SUPT3H: variants seen among roughly 807,000 people sequenced by gnomAD.
The protein encoded by SUPT3H is transcription initiation protein SPT3 homolog.
A neutral mutation model predicts 44.3 loss-of-function variants in SUPT3H; 44 were observed. The ratio of observed to expected loss-of-function variants is 0.99; its 90% CI spans 0.78 to 1.28. SUPT3H has a LOEUF of 1.28. Ranked by LOEUF, SUPT3H falls within the 50% of genes most tolerant of loss-of-function variation. The pLI is 0.00. For synonymous variants in SUPT3H, 124 were observed against 125.6 expected (o/e 0.99, Z 0.09); for missense variants, 380 against 387.1 (o/e 0.98, Z 0.15).
chr6:45,328,663 TAAG>T, intron 2 of SUPT3H: 1 of 1,611,392 alleles, frequency 6.2e-7, no homozygotes, highest in Non-Finnish European at 8.5e-7. Flanking sequence ...ATTTTCAGTT[TAAG>T]GCTGCAAGCA....
chr6:45,068,105 C>T (rs1393186687), intron 3 of SUPT3H, among the ~76,000 whole-genome samples: 1 of 148,500 alleles, frequency 6.7e-6, no homozygotes, highest in East Asian at 2.0e-4. Context: ...AAATGTGGCA[C>T]ATATATACCA....
chr6:45,218,844 G>A (rs1765522923), intron 2 of SUPT3H, among the ~76,000 whole-genome samples: 1 of 152,110 alleles, frequency 6.6e-6, no homozygotes, highest in Non-Finnish European at 1.5e-5. Flanking sequence ...AGTACCCATT[G>A]AATATTCACT....
At chr6:44,957,485 A>C (rs148249920) in intron 7 of SUPT3H, among the ~76,000 whole-genome samples, 1 of 152,290 alleles carries the variant, frequency 6.6e-6, no homozygotes, top group East Asian at 1.9e-4. Context: ...ACAGGCAGCA[A>C]TTTGGCAAGA....
At chr6:45,072,601 T>C (rs934900710) in intron 3 of SUPT3H, among the ~76,000 whole-genome samples, 2 of 152,122 alleles carry the variant, frequency 1.3e-5, no homozygotes, top group African/African-American at 4.8e-5. Flanking sequence ...AGGCATAGAT[T>C]ATCATTATAG....
rs7763611 is a variant in SUPT3H, at chr6:45,268,857, G to T, written c.101+96344C>A. ...CTTCATCCTAGTCAAAATTATTAAA[G>T]ATTTAATGAATATATTGGTTAAAAT... On this transcript the variant is annotated intron_variant, in intron 2 of 10. Coordinates refer to ENST00000371459, the MANE Select transcript of SUPT3H (RefSeq NM_003599.4). 7.9e-4 allele frequency among the ~76,000 whole-genome samples: 121 copies of T among 152,248 alleles called. 1 individual carries two copies. The highest frequency in any genetic ancestry group is 2.9e-3 in the African/African-American group (120 of 41,542).
At chr6:45,366,740 G>C (rs1795204818) in intron 1 of SUPT3H, among the ~76,000 whole-genome samples, 1 of 151,964 alleles carries the variant, frequency 6.6e-6, no homozygotes, top group Non-Finnish European at 1.5e-5. Context: ...TAGTCACTTG[G>C]GCTCAAAGTC....
At chr6:44,991,419 T>C (rs552369139) in intron 6 of SUPT3H, among the ~76,000 whole-genome samples, 3 of 152,228 alleles carry the variant, frequency 2.0e-5, no homozygotes, top group East Asian at 1.9e-4. Flanking sequence ...ATCTGCCTTT[T>C]TGACTGATGC....
chr6:45,036,683 T>C lies in SUPT3H; in HGVS notation c.187-16051A>G, dbSNP rs561799401. ...AAAGTTTTCACACACAGCCAAACTGTCAACAACCTGTGAAGGTAGATTAAG... is the reference window on the plus strand; with the variant it reads ...AAAGTTTTCACACACAGCCAAACTGCCAACAACCTGTGAAGGTAGATTAAG... On this transcript the variant is annotated intron_variant, in intron 3 of 10. Transcript: ENST00000371459. Among the ~76,000 whole-genome samples, 29 of 152,264 alleles carry C rather than the reference T, an allele frequency of 1.9e-4. No individual in the cohort carries two copies. In the South Asian group the frequency reaches 5.0e-3, roughly 26 times the overall value.
chr6:44,977,540 C>T (rs1470370155), intron 6 of SUPT3H, among the ~76,000 whole-genome samples: 4 of 151,916 alleles, frequency 2.6e-5, no homozygotes, highest in Non-Finnish European at 5.9e-5. Context: ...TACTCTTCAC[C>T]CCACCTTGCC....
At chr6:44,985,216 T>A (rs1033636176) in intron 6 of SUPT3H, among the ~76,000 whole-genome samples, 8 of 121,956 alleles carry the variant, frequency 6.6e-5, no homozygotes, top group African/African-American at 1.8e-4. Flanking sequence ...AATAAATAAA[T>A]AAAATAAAAT....
chr6:44,985,062 G>A (rs1047555250), intron 6 of SUPT3H, among the ~76,000 whole-genome samples: 26 of 151,682 alleles, frequency 1.7e-4, no homozygotes, highest in African/African-American at 6.1e-4. Flanking sequence ...ATATAGGCTG[G>A]GTATGGCAGC....
rs189222800 is a variant in SUPT3H, at chr6:45,282,315, G to A, written c.101+82886C>T. Among the ~76,000 whole-genome samples, 296 of 106,260 alleles carry A rather than the reference G, an allele frequency of 2.8e-3. 1 individual carries two copies. The highest frequency in any genetic ancestry group is 0.01 in the African/African-American group (266 of 26,226). The allele number at this position is 106,260 out of a possible 152,430, so 69.7% of individuals were successfully genotyped here. A position where few individuals can be genotyped will look rare whatever the true frequency, so the allele number is the denominator to read the frequency against. On this transcript the variant is annotated intron_variant, in intron 2 of 10. Transcript: ENST00000371459. ...GAGCTAAAGGAGGTTCGAACGCTTC[G>A]CAAAGAAGTTAAAAACCTTGAAAAA...
intron 6 of SUPT3H, among the ~76,000 whole-genome samples, chr6:44,992,224 A>T (rs1780703794): frequency 6.6e-6 from 1 of 152,180 alleles, no homozygotes; most frequent in African/African-American, 2.4e-5. Context: ...GAAGGATCTC[A>T]TTTTAAAAAG....
intron 2 of SUPT3H, among the ~76,000 whole-genome samples, chr6:45,211,874 A>T (rs1372158136): frequency 1.3e-5 from 2 of 150,818 alleles, no homozygotes; most frequent in East Asian, 3.9e-4. Flanking sequence ...AGAGAGAGAG[A>T]ATTCTTCAGC....
intron 5 of SUPT3H, among the ~76,000 whole-genome samples, chr6:45,013,664 G>C (rs1172295554): frequency 2.0e-5 from 3 of 152,084 alleles, no homozygotes; most frequent in Non-Finnish European, 4.4e-5. Context: ...CCTATGAGCT[G>C]AGGTTAAGTG....
chr6:45,055,813 G>A (rs1441609082), intron 3 of SUPT3H, among the ~76,000 whole-genome samples: 1 of 151,872 alleles, frequency 6.6e-6, no homozygotes, highest in East Asian at 1.9e-4. Context: ...CAAAAACAAA[G>A]GTAAATAGAT....
chr6:45,298,021 G>A (rs1781566409), intron 2 of SUPT3H, among the ~76,000 whole-genome samples: 3 of 152,200 alleles, frequency 2.0e-5, no homozygotes, highest in African/African-American at 2.4e-5. Context: ...AGAGCCAGGA[G>A]TGGAATGCAA....
At chr6:45,339,373 T>C (rs1402340433) in intron 2 of SUPT3H, among the ~76,000 whole-genome samples, 1 of 152,168 alleles carries the variant, frequency 6.6e-6, no homozygotes, top group Non-Finnish European at 1.5e-5. Context: ...AGCCAATAGA[T>C]AGCCAACTTT....
intron 10 of SUPT3H, among the ~76,000 whole-genome samples, chr6:44,888,818 G>A (rs545138591): frequency 1.3e-5 from 2 of 151,866 alleles, no homozygotes; most frequent in African/African-American, 4.8e-5. Flanking sequence ...AAAAGAAGAA[G>A]TCAAATTGTC....
Sources: gnomAD v4.1 joint callset for allele counts (sites outside exome capture counted in the v4.1 genomes callset) on GRCh38, gnomAD v4.1.1 for gene constraint, MANE v1.5 for transcripts, NCBI Gene and HGNC (gene_info 2026-07-23, HGNC 2026-07-21) for gene names.